OLFM3: variants seen among roughly 807,000 people sequenced by gnomAD.
OLFM3 encodes noelin-3.
A neutral mutation model predicts 48.6 loss-of-function variants in OLFM3; 20 were observed. The observed-to-expected ratio is 0.41, with a 90% CI of 0.29 to 0.60. The LOEUF (loss-of-function observed/expected upper bound fraction) is 0.60. Among genes scored for constraint, OLFM3 ranks in the 20% least tolerant of loss-of-function variants. The probability of loss-of-function intolerance (pLI) is 0.28; values close to 1 mark genes in which losing one functional copy is unlikely to be tolerated. For missense variants in OLFM3, 437 were observed against 544.3 expected (o/e 0.80, Z 1.96); for synonymous variants, 222 against 198.1 (o/e 1.12, Z -1.01).
At chr1:101,887,110 G>A (rs944014299) in intron 1 of OLFM3, among the ~76,000 whole-genome samples, 3 of 151,548 alleles carry the variant, frequency 2.0e-5, no homozygotes, top group Non-Finnish European at 4.4e-5. Context: ...AAATTATAAT[G>A]CATAAAATAT....
At chr1:101,886,025 TTATAA>T (rs1295211755) in intron 1 of OLFM3, among the ~76,000 whole-genome samples, 1 of 152,106 alleles carries the variant, frequency 6.6e-6, no homozygotes, top group African/African-American at 2.4e-5. Context: ...AATTAATATC[TTATAA>T]TAAGTGATAT....
Position 101,920,763 on chromosome 1 carries a change from T to C in OLFM3, c.69+75985A>G, listed in dbSNP as rs1368390584. ...GTCCTCAGAGTTGTCTCTGGTGCTT[T>C]AGTAAACAATAGAGACCCATTCCCA... On this transcript the variant is annotated intron_variant, in intron 1 of 5. Transcript: ENST00000370103. Among the ~76,000 whole-genome samples the C allele has an allele frequency of 3.9e-5, 6 of 152,204 alleles. No homozygotes were observed. The East Asian group carries it at 1.2e-3, about 29-fold the overall frequency.
chr1:101,921,334 C>G lies in OLFM3; in HGVS notation c.69+75414G>C, dbSNP rs75150427. Among the ~76,000 whole-genome samples, 938 of 152,122 alleles carry G rather than the reference C, an allele frequency of 6.2e-3. 12 individuals are homozygous for G. Among genetic ancestry groups the G allele is most frequent in the African/African-American group, 0.022 (897 of 41,486 alleles). On this transcript the variant is annotated intron_variant, in intron 1 of 5. Coordinates refer to ENST00000370103, the MANE Select transcript of OLFM3 (RefSeq NM_058170.4). The stretch of plus-strand genomic sequence containing the variant: ...CAGAACAAGAGTAAAAGAGTCAAAT[C>G]CTTGTCTCTGAGATATAAAATCTAA...
At chr1:101,917,158 TAG>T (rs1306458170) in intron 1 of OLFM3, among the ~76,000 whole-genome samples, 1 of 152,212 alleles carries the variant, frequency 6.6e-6, no homozygotes, top group African/African-American at 2.4e-5. Flanking sequence ...CAGAATATTT[TAG>T]AGTTAAGTCA....
At chr1:101,976,676 G>T (rs1043657454) in intron 1 of OLFM3, among the ~76,000 whole-genome samples, 1 of 152,110 alleles carries the variant, frequency 6.6e-6, no homozygotes, top group African/African-American at 2.4e-5. Flanking sequence ...AATTTCTCAA[G>T]ATTCTACTGC....
At chr1:101,942,021 T>C (rs992854358) in intron 1 of OLFM3, among the ~76,000 whole-genome samples, 3 of 152,178 alleles carry the variant, frequency 2.0e-5, no homozygotes, top group Admixed American at 1.3e-4. Flanking sequence ...GAAGCAAGGT[T>C]CAGAGATATG....
At chr1:101,872,910 G>A (rs960516151) in intron 1 of OLFM3, among the ~76,000 whole-genome samples, 1 of 151,492 alleles carries the variant, frequency 6.6e-6, no homozygotes, top group African/African-American at 2.4e-5. Context: ...GGAAAAAAAG[G>A]TATTAAATTT....
chr1:101,892,267 G>A (rs1298459391), intron 1 of OLFM3, among the ~76,000 whole-genome samples: 2 of 151,924 alleles, frequency 1.3e-5, no homozygotes, highest in East Asian at 1.9e-4. Flanking sequence ...GAGCAGCCTG[G>A]GGAGATAATA....
intron 1 of OLFM3, among the ~76,000 whole-genome samples, chr1:101,967,331 G>A (rs1465043233): frequency 6.6e-6 from 1 of 151,512 alleles, no homozygotes; most frequent in East Asian, 1.9e-4. Flanking sequence ...CATGACCCCT[G>A]TGGCTATAAG....
At chr1:101,829,092 A>G (rs1655021787) in intron 3 of OLFM3, among the ~76,000 whole-genome samples, 1 of 152,160 alleles carries the variant, frequency 6.6e-6, no homozygotes, top group African/African-American at 2.4e-5. Context: ...GTTGTCTTTC[A>G]TAGAAGACAG....
intron 1 of OLFM3, among the ~76,000 whole-genome samples, chr1:101,981,428 T>G (rs1661102891): frequency 6.6e-6 from 1 of 152,224 alleles, no homozygotes; most frequent in Non-Finnish European, 1.5e-5. Context: ...ATTTTAGACA[T>G]TAACAAAAAC....
chr1:101,903,854 G>A (rs976246613), intron 1 of OLFM3, among the ~76,000 whole-genome samples: 1 of 151,864 alleles, frequency 6.6e-6, no homozygotes, highest in Non-Finnish European at 1.5e-5. Context: ...CTTATACATG[G>A]CAATACATTA....
intron 1 of OLFM3, among the ~76,000 whole-genome samples, chr1:101,875,051 T>C (rs1230997784): frequency 6.6e-6 from 1 of 151,978 alleles, no homozygotes; most frequent in Non-Finnish European, 1.5e-5. Context: ...CTCATAGTCC[T>C]GGCTAAAATC....
In OLFM3 at chr1:101,996,836, CCTCTTTACT is replaced by C; in HGVS notation, c.-29_-21del. 1 of 1,613,722 alleles carries C rather than the reference CCTCTTTACT, an allele frequency of 6.2e-7. No individual in the cohort carries two copies. The highest frequency in any genetic ancestry group is 8.5e-7 in the Non-Finnish European group (1 of 1,179,686). On this transcript the variant is annotated 5_prime_UTR_variant, in exon 1 of 6. Transcript: ENST00000370103. ...CTGCATTCTGATCTGGGTTTTTGCCCCTCTTTACTCTCTTTTATGTAGGCTCTCCACTCA... is the reference window on the plus strand; with the variant it reads ...CTGCATTCTGATCTGGGTTTTTGCCCCTCTTTTATGTAGGCTCTCCACTCA...
intron 3 of OLFM3, among the ~76,000 whole-genome samples, chr1:101,827,036 A>C (rs192540274): frequency 1.3e-5 from 2 of 152,358 alleles, no homozygotes; most frequent in African/African-American, 4.8e-5. Flanking sequence ...GAAAACTTAT[A>C]TGAGAGCATT....
At chr1:101,986,110 C>T (rs1339287848) in intron 1 of OLFM3, among the ~76,000 whole-genome samples, 1 of 151,778 alleles carries the variant, frequency 6.6e-6, no homozygotes, top group Non-Finnish European at 1.5e-5. Context: ...GGACTACAGG[C>T]GCCCGCCACC....
At chr1:101,916,981 T>A (rs765047129) in intron 1 of OLFM3, among the ~76,000 whole-genome samples, 1 of 152,156 alleles carries the variant, frequency 6.6e-6, no homozygotes, top group Non-Finnish European at 1.5e-5. Flanking sequence ...TATAAGCAAT[T>A]TAATATTTAA....
chr1:101,916,401 C>T, intron 1 of OLFM3, among the ~76,000 whole-genome samples: 1 of 150,498 alleles, frequency 6.6e-6, no homozygotes, highest in African/African-American at 2.4e-5. Flanking sequence ...AATGTCTCTC[C>T]TTTTTTTTTA....
At position 101,832,534 on chromosome 1, in the gene OLFM3, T is replaced by C. The variant is rs1655211178; in HGVS notation, c.217-1707A>G. 2.6e-5 allele frequency among the ~76,000 whole-genome samples: 4 copies of C among 152,320 alleles called. No homozygotes were observed. In the South Asian group the frequency reaches 8.3e-4, roughly 32 times the overall value. On this transcript the variant is annotated intron_variant, in intron 2 of 5. Coordinates refer to ENST00000370103, the MANE Select transcript of OLFM3 (RefSeq NM_058170.4). The stretch of plus-strand genomic sequence containing the variant: ...GGACATATTACAGTCTGGCTTATCT[T>C]AAAACTAATTGTGTTATGTGGGTGT...
Sources: allele counts gnomAD v4.1 joint callset (sites outside exome capture counted in the v4.1 genomes callset), GRCh38; gene constraint gnomAD v4.1.1; transcripts MANE v1.5; gene names NCBI Gene and HGNC (gene_info 2026-07-23, HGNC 2026-07-21).